Variants in DCT observed in about 807,000 individuals in gnomAD.
DCT encodes the protein L-dopachrome tautomerase.
In DCT, 47 loss-of-function variants were observed where a neutral mutation model predicts 53.0. The observed-to-expected ratio is 0.89, with a 90% CI of 0.70 to 1.13. The LOEUF is 1.13. Ranked by LOEUF, DCT falls within the 50% of genes most tolerant of loss-of-function variation. DCT has a pLI of 0.00. For missense variants in DCT, 669 were observed against 637.4 expected (o/e 1.05, Z -0.53); for synonymous variants, 244 against 237.0 (o/e 1.03, Z -0.27).
intron 5 of DCT, 106 bp from the exon 6 acceptor site, chr13:94,460,332 G>C: frequency 9.8e-7 from 1 of 1,015,928 alleles, no homozygotes; most frequent in Non-Finnish European, 1.5e-6. Flanking sequence ...ATTGGGTAGG[G>C]ATATGGGAAG....
intron 1 of DCT, among the ~76,000 whole-genome samples, chr13:94,470,732 C>T (rs1594315578): frequency 6.6e-6 from 1 of 152,174 alleles, no homozygotes; most frequent in African/African-American, 2.4e-5. Context: ...TCCATTTCTC[C>T]TTTAAGCTTC....
the DCT span, among the ~76,000 whole-genome samples, chr13:94,543,079 C>G: frequency 6.6e-6 from 1 of 152,162 alleles, no homozygotes; most frequent in South Asian, 2.1e-4. Flanking sequence ...CAGGGTTATC[C>G]TGTTGGATGG....
In DCT at chr13:94,479,568, T is replaced by G. The variant is rs145496623; in HGVS notation, c.-313A>C. ...ACCATCTTCCCCCGTTAAGTCAGGC[T>G]TTGTCTAATTGAGTTAATTTACAGA... On this transcript the variant is annotated 5_prime_UTR_variant, in exon 1 of 8. Coordinates refer to ENST00000377028, the MANE Select transcript of DCT (RefSeq NM_001922.5). 2.7e-3 allele frequency: 695 copies of G among 262,006 alleles called. 6 individuals carry two copies. The highest frequency in any genetic ancestry group is 0.014 in the African/African-American group (649 of 45,412). The allele number at this position is 262,006 out of a possible 1,614,324, so 16.2% of individuals were successfully genotyped here.
chr13:94,542,588 T>G, the DCT span, among the ~76,000 whole-genome samples: 10 of 152,192 alleles, frequency 6.6e-5, no homozygotes, highest in African/African-American at 2.4e-4. Flanking sequence ...CATCACATAC[T>G]GCCTCCTGCT....
At chr13:94,504,397 C>T in the DCT span, among the ~76,000 whole-genome samples, 3 of 152,042 alleles carry the variant, frequency 2.0e-5, no homozygotes, top group East Asian at 1.9e-4. Context: ...GATGGAGTTT[C>T]GCTCTTGTTG....
chr13:94,535,938 C>T, the DCT span, among the ~76,000 whole-genome samples: 1 of 152,144 alleles, frequency 6.6e-6, no homozygotes, highest in Non-Finnish European at 1.5e-5. Flanking sequence ...CCCGTAGAGG[C>T]TCTATGGTTA....
chr13:94,488,335 T>C, the DCT span, among the ~76,000 whole-genome samples: 1 of 152,154 alleles, frequency 6.6e-6, no homozygotes, highest in Non-Finnish European at 1.5e-5. Context: ...AAAATATATA[T>C]ATTTTTAGAC....
the DCT span, among the ~76,000 whole-genome samples, chr13:94,491,950 C>G: frequency 6.6e-6 from 1 of 152,178 alleles, no homozygotes; most frequent in African/African-American, 2.4e-5. Context: ...GTGAGAAAAT[C>G]AAAGCCCACT....
intron 6 of DCT, among the ~76,000 whole-genome samples, chr13:94,458,898 A>T (rs1883591533): frequency 6.6e-6 from 1 of 152,116 alleles, no homozygotes; most frequent in Non-Finnish European, 1.5e-5. Context: ...TGTTTTTGAA[A>T]CAGGGTCTCA....
the DCT span, among the ~76,000 whole-genome samples, chr13:94,504,852 G>T: frequency 2.0e-5 from 3 of 152,092 alleles, no homozygotes; most frequent in African/African-American, 7.2e-5. Context: ...AATAAGAAAT[G>T]ACTTGTATTG....
At chr13:94,475,385 G>A (rs905900172) in intron 1 of DCT, among the ~76,000 whole-genome samples, 1 of 152,178 alleles carries the variant, frequency 6.6e-6, no homozygotes, top group Non-Finnish European at 1.5e-5. Context: ...GCGACAGCAT[G>A]GATGGACCTG....
chr13:94,455,196 T>C (rs866171729), intron 6 of DCT, among the ~76,000 whole-genome samples: 1 of 152,048 alleles, frequency 6.6e-6, no homozygotes, highest in Non-Finnish European at 1.5e-5. Context: ...CTAGGCAACA[T>C]AGTAAGACCT....
At chr13:94,503,868 C>T in the DCT span, among the ~76,000 whole-genome samples, 16 of 152,290 alleles carry the variant, frequency 1.1e-4, no homozygotes, top group Admixed American at 5.9e-4. Flanking sequence ...AAAAATTGCT[C>T]ATACAATTTT....
intron 6 of DCT, among the ~76,000 whole-genome samples, chr13:94,446,537 A>C (rs981938746): frequency 2.6e-5 from 4 of 152,190 alleles, no homozygotes; most frequent in Non-Finnish European, 4.4e-5. Context: ...GACATATTGA[A>C]TCCTCAAAGC....
intron 6 of DCT, among the ~76,000 whole-genome samples, chr13:94,455,057 C>A (rs1883319960): frequency 6.6e-6 from 1 of 152,076 alleles, no homozygotes; most frequent in Non-Finnish European, 1.5e-5. Flanking sequence ...TGTGAGCTTC[C>A]ACCCTAAAGC....
At chr13:94,453,097 A>G (rs1227668796) in intron 6 of DCT, among the ~76,000 whole-genome samples, 1 of 152,186 alleles carries the variant, frequency 6.6e-6, no homozygotes, top group Non-Finnish European at 1.5e-5. Flanking sequence ...TATTATACAT[A>G]ATAGGTGCCT....
At chr13:94,457,890 G>A (rs1465346110) in intron 6 of DCT, among the ~76,000 whole-genome samples, 1 of 152,124 alleles carries the variant, frequency 6.6e-6, no homozygotes, top group African/African-American at 2.4e-5. Flanking sequence ...AGCAGCCCCT[G>A]ACATTCAAGA....
At chr13:94,509,806 A>G in the DCT span, among the ~76,000 whole-genome samples, 1 of 152,226 alleles carries the variant, frequency 6.6e-6, no homozygotes, top group Non-Finnish European at 1.5e-5. Context: ...TGCCTGGCTT[A>G]TAAGTAAGTG....
chr13:94,456,630 C>T (rs925451696), intron 6 of DCT, among the ~76,000 whole-genome samples: 26 of 152,138 alleles, frequency 1.7e-4, no homozygotes, highest in African/African-American at 5.6e-4. Flanking sequence ...GGGCTCTAGA[C>T]CAGTTTCCTA....
Sources: gnomAD v4.1 joint callset for allele counts (sites outside exome capture counted in the v4.1 genomes callset) on GRCh38, gnomAD v4.1.1 for gene constraint, MANE v1.5 for transcripts, NCBI Gene and HGNC (gene_info 2026-07-23, HGNC 2026-07-21) for gene names.